PPARGC1A: variants seen among roughly 807,000 people sequenced by gnomAD.
The protein encoded by PPARGC1A is PPARG coactivator 1 alpha.
Under a neutral mutation model 88.7 loss-of-function variants are expected in PPARGC1A, and 25 were observed. The ratio of observed to expected loss-of-function variants is 0.28; its 90% CI spans 0.21 to 0.39. The LOEUF (loss-of-function observed/expected upper bound fraction) is 0.39, where lower values mean the gene tolerates loss of function less well. PPARGC1A is among the 10% of genes least tolerant of loss of function. PPARGC1A has a pLI of 1.00. For missense variants in PPARGC1A, 880 were observed against 968.7 expected (o/e 0.91, Z 1.22); for synonymous variants, 363 against 355.6 (o/e 1.02, Z -0.24).
chr4:24,183,285 C>G, the PPARGC1A span, among the ~76,000 whole-genome samples: 1 of 152,098 alleles, frequency 6.6e-6, no homozygotes, highest in African/African-American at 2.4e-5. Flanking sequence ...TCTTATTACC[C>G]CATTTCATAG....
the PPARGC1A span, among the ~76,000 whole-genome samples, chr4:23,980,989 T>C: frequency 6.6e-6 from 1 of 152,072 alleles, no homozygotes; most frequent in Non-Finnish European, 1.5e-5. Flanking sequence ...ACCTCCTCCA[T>C]AAGACCTTCT....
rs1353455187 is a variant in PPARGC1A, at chr4:23,792,151, A to T, written c.*3671T>A. 6.6e-6 allele frequency: 1 copy of T among 152,636 alleles called. No homozygotes were observed. The allele number at this position is 152,636 out of a possible 1,614,324, so 9.5% of individuals were successfully genotyped here. On this transcript the variant is annotated 3_prime_UTR_variant, in exon 13 of 13. Coordinates refer to ENST00000264867, the MANE Select transcript of PPARGC1A (RefSeq NM_013261.5). ...AATACATGTAGAATTGGCAGGTGGA[A>T]AAAAGGCCCGGCAAGGGCTCAACTA... is the stretch of plus-strand genomic sequence containing the variant.
the PPARGC1A span, among the ~76,000 whole-genome samples, chr4:24,421,601 G>A: frequency 1.1e-4 from 16 of 152,212 alleles, no homozygotes; most frequent in Non-Finnish European, 2.2e-4. Flanking sequence ...GTGAGCCACC[G>A]CGCCGGGCCA....
chr4:24,192,486 T>C, the PPARGC1A span, among the ~76,000 whole-genome samples: 2 of 152,202 alleles, frequency 1.3e-5, no homozygotes, highest in Middle Eastern at 3.2e-3. Context: ...TTGGTTTTCT[T>C]TGGGCAAAGG....
At chr4:24,457,358 C>A in the PPARGC1A span, among the ~76,000 whole-genome samples, 1 of 152,062 alleles carries the variant, frequency 6.6e-6, no homozygotes, top group Non-Finnish European at 1.5e-5. Flanking sequence ...ATGAGAATGA[C>A]CTTCACTGTG....
At chr4:24,041,758 A>T in the PPARGC1A span, among the ~76,000 whole-genome samples, 2 of 152,196 alleles carry the variant, frequency 1.3e-5, no homozygotes, top group Non-Finnish European at 2.9e-5. Context: ...ACATACATGG[A>T]TCCCAAAGTA....
At chr4:24,211,171 T>C in the PPARGC1A span, among the ~76,000 whole-genome samples, 1 of 152,088 alleles carries the variant, frequency 6.6e-6, no homozygotes, top group Non-Finnish European at 1.5e-5. Flanking sequence ...AGGTGCTTAA[T>C]ATTCATTCCT....
At chr4:24,367,055 T>A in the PPARGC1A span, among the ~76,000 whole-genome samples, 1 of 152,202 alleles carries the variant, frequency 6.6e-6, no homozygotes, top group East Asian at 1.9e-4. Context: ...AAATAGATCA[T>A]AATGGATAAA....
chr4:24,452,556 T>TCACCA, the PPARGC1A span, among the ~76,000 whole-genome samples: 2 of 152,214 alleles, frequency 1.3e-5, no homozygotes, highest in East Asian at 3.8e-4. Flanking sequence ...GGCCACACAT[T>TCACCA]CACCACTCTT....
At chr4:23,908,620 G>A (rs1280643404), upstream of PPARGC1A, among the ~76,000 whole-genome samples, 3 of 152,032 alleles carry the variant, frequency 2.0e-5, no homozygotes, top group Admixed American at 1.3e-4. Context: ...CTTTAGACAC[G>A]TCAAAGGGTG....
chr4:24,051,887 T>C, the PPARGC1A span, among the ~76,000 whole-genome samples: 2 of 150,250 alleles, frequency 1.3e-5, no homozygotes, highest in African/African-American at 2.5e-5. Context: ...TGGAAGAAAC[T>C]TGGTAAATGT....
At chr4:23,956,003 G>T in the PPARGC1A span, among the ~76,000 whole-genome samples, 1 of 152,134 alleles carries the variant, frequency 6.6e-6, no homozygotes, top group Non-Finnish European at 1.5e-5. Flanking sequence ...TAGGCAGTGT[G>T]TCAGTGAACA....
the PPARGC1A span, among the ~76,000 whole-genome samples, chr4:23,918,746 C>A: frequency 1.3e-5 from 2 of 152,050 alleles, no homozygotes; most frequent in South Asian, 4.1e-4. Flanking sequence ...TTCATGCTGA[C>A]TATCAGAAAT....
the PPARGC1A span, among the ~76,000 whole-genome samples, chr4:24,126,343 T>A: frequency 6.6e-6 from 1 of 151,588 alleles, no homozygotes; most frequent in African/African-American, 2.4e-5. Context: ...AAATGTCTTC[T>A]AAGTTAACTA....
chr4:23,999,762 G>A, the PPARGC1A span, among the ~76,000 whole-genome samples: 1 of 152,100 alleles, frequency 6.6e-6, no homozygotes, highest in African/African-American at 2.4e-5. Flanking sequence ...CTCCTTGCAC[G>A]GGAAAGAAAA....
the PPARGC1A span, among the ~76,000 whole-genome samples, chr4:24,305,281 G>A: frequency 1.3e-5 from 2 of 151,518 alleles, no homozygotes; most frequent in East Asian, 3.9e-4. Flanking sequence ...GAAGCAGGGT[G>A]TATGGCAGAA....
At chr4:24,134,689 A>G in the PPARGC1A span, among the ~76,000 whole-genome samples, 5 of 152,240 alleles carry the variant, frequency 3.3e-5, no homozygotes, top group Admixed American at 6.5e-5. Flanking sequence ...TTTTCACATC[A>G]TTCTACATAA....
chr4:24,420,570 C>A, the PPARGC1A span, among the ~76,000 whole-genome samples: 1 of 152,096 alleles, frequency 6.6e-6, no homozygotes, highest in Non-Finnish European at 1.5e-5. Context: ...TTCCAAGTCA[C>A]AAAAGTCTTT....
the PPARGC1A span, among the ~76,000 whole-genome samples, chr4:24,035,652 T>C: frequency 6.6e-6 from 1 of 152,132 alleles, no homozygotes; most frequent in Admixed American, 6.5e-5. Context: ...AACCAATGTT[T>C]CCCAAATTAT....
Sources: allele counts gnomAD v4.1 joint callset (sites outside exome capture counted in the v4.1 genomes callset), GRCh38; gene constraint gnomAD v4.1.1; transcripts MANE v1.5; gene names NCBI Gene and HGNC (gene_info 2026-07-23, HGNC 2026-07-21).